Variants in MED23 observed in about 807,000 individuals in gnomAD.
MED23 encodes mediator of RNA polymerase II transcription subunit 23.
Under a neutral mutation model 163.9 loss-of-function variants are expected in MED23, and 105 were observed. The ratio of observed to expected loss-of-function variants is 0.64; its 90% CI spans 0.55 to 0.75. The LOEUF (loss-of-function observed/expected upper bound fraction) is 0.75, where lower values mean the gene tolerates loss of function less well. MED23 is among the 30% of genes least tolerant of loss of function. The pLI, the probability that MED23 is intolerant of heterozygous loss-of-function variation, is 0.00. For missense variants in MED23, 1,054 were observed against 1,649.0 expected, an observed-to-expected ratio of 0.64 and a Z score of 6.25; for synonymous variants, 561 against 565.6, an observed-to-expected ratio of 0.99 and a Z score of 0.12.
rs762528452 is a variant in MED23 at position 131,615,897 on chromosome 6, A to G, written c.876+10T>C. 6.3e-7 allele frequency: 1 copy of G among 1,597,564 alleles called. No homozygotes were observed. The highest frequency in any genetic ancestry group is 8.6e-7 in the Non-Finnish European group (1 of 1,165,126). ...GCAGAATTTACTAGGTTTCCAGCAT[A>G]GTACAGTACCTGCTTATTTAAACCT... On this transcript the variant is annotated intron_variant, in intron 10 of 28. Coordinates refer to ENST00000368068, the MANE Select transcript of MED23 (RefSeq NM_004830.4).
At position 131,591,543 on chromosome 6, in the gene MED23, A is replaced by G. The variant is rs1431196095; in HGVS notation, c.3472-16T>C. ...AATATGGCTCCTTTAAAATCGGAGG[A>G]AAGCTAGTGAAAAATATCACTTATC... is the stretch of plus-strand genomic sequence containing the variant. On this transcript the variant is annotated splice_polypyrimidine_tract_variant and intron_variant, in intron 25 of 28. Transcript: ENST00000368068. 5.1e-6 allele frequency: 8 copies of G among 1,570,382 alleles called. No homozygotes were observed. The highest frequency in any genetic ancestry group is 7.0e-6 in the Non-Finnish European group (8 of 1,143,316).
chr6:131,593,307 T>G, intron 23 of MED23, 136 bp from the exon 24 acceptor site: 1 of 1,055,544 alleles, frequency 9.5e-7, no homozygotes, highest in Non-Finnish European at 1.4e-6. Context: ...CAAATGAGTT[T>G]GACATGATTG....
chr6:131,581,450 G>T, intron 30 of MED23: 2 of 1,452,844 alleles, frequency 1.4e-6, no homozygotes, highest in Non-Finnish European at 1.9e-6. Context: ...GAAGGGAAAT[G>T]AGAAACTCCA....
Position 131,594,114 on chromosome 6 carries a change from C to T in MED23, c.3217G>A (p.Gly1073Ser). ...AAAAGGATATTATCGACTAGTCTGCCAATCAATCTGCAATAGTAGGTGTCA... is the reference window on the plus strand; with the variant it reads ...AAAAGGATATTATCGACTAGTCTGCTAATCAATCTGCAATAGTAGGTGTCA... ...PDDTYYCRLI[G>S]RLVDTMAGKS... Residue 1073 changes from glycine (G) to serine (S), a missense_variant, in exon 23 of 29, where the codon GGC becomes AGC. Coordinates refer to ENST00000368068, the MANE Select transcript of MED23 (RefSeq NM_004830.4). 1 of 1,613,450 alleles carries T rather than the reference C, an allele frequency of 6.2e-7. No homozygotes were observed. The highest frequency in any genetic ancestry group is 8.5e-7 in the Non-Finnish European group (1 of 1,179,498).
At position 131,579,141 on chromosome 6, in the gene MED23, C is replaced by A. The variant is rs1242421631; in HGVS notation, c.4096-4846G>T. The A allele has an allele frequency of 1.9e-6, 3 of 1,614,042 alleles. No homozygotes were observed. In the South Asian group the frequency reaches 3.3e-5, roughly 18 times the overall value. On this transcript the variant is annotated intron_variant, in intron 30 of 30. Coordinates refer to the MED23 transcript ENST00000354577. ...GATGTGAAGGATTATGGGGACCTGC[C>A]CTTTGCTGACATCCCTAATGACAGT...
intron 3 of MED23, among the ~76,000 whole-genome samples, chr6:131,626,359 G>T (rs1353259190): frequency 1.3e-5 from 2 of 151,812 alleles, no homozygotes; most frequent in African/African-American, 4.8e-5. Flanking sequence ...GACAGTAGAA[G>T]ATTGGTTAAA....
intron 30 of MED23, chr6:131,574,446 T>C (rs1188651589): frequency 1.3e-5 from 11 of 839,666 alleles, no homozygotes; most frequent in Non-Finnish European, 2.0e-5. Context: ...CCTTTTAAAA[T>C]CCACACTGTT....
At chr6:131,619,692 A>ATAT in intron 8 of MED23, 135 bp downstream of exon 8, 3 of 680,876 alleles carry the variant, frequency 4.4e-6, no homozygotes, top group Non-Finnish European at 7.9e-6. Flanking sequence ...GAAAGGCATT[A>ATAT]TATTAAGCTC....
intron 6 of MED23, among the ~76,000 whole-genome samples, chr6:131,621,146 G>A (rs1384899204): frequency 2.0e-5 from 3 of 152,088 alleles, no homozygotes; most frequent in Non-Finnish European, 4.4e-5. Flanking sequence ...CAACAAAAAA[G>A]ACATTAAAAA....
chr6:131,585,151 A>G (rs955489655), downstream of MED23, among the ~76,000 whole-genome samples: 18 of 152,170 alleles, frequency 1.2e-4, no homozygotes, highest in African/African-American at 4.3e-4. Context: ...CACTTACTGC[A>G]ATTACAGTAT....
intron 18 of MED23, among the ~76,000 whole-genome samples, chr6:131,599,749 T>TC (rs1413155961): frequency 6.6e-6 from 1 of 151,976 alleles, no homozygotes; most frequent in Admixed American, 6.6e-5. Flanking sequence ...ATGACTTTTT[T>TC]TTTTTTTTCT....
In MED23 at chr6:131,598,808, G is replaced by A. The variant is rs377055806; in HGVS notation, c.2221-47C>T. On this transcript the variant is annotated intron_variant, in intron 18 of 28. Transcript: ENST00000368068. The surrounding 1 kb of genome is among the most constrained non-coding windows in gnomAD (Gnocchi z 4.7). The stretch of plus-strand genomic sequence containing the variant: ...TATTTCATTGGTTATAGTAGAAAGA[G>A]CACTGGATATGGAGTTAATAAACCA... 1.9e-6 allele frequency: 3 copies of A among 1,551,922 alleles called. No individual in the cohort carries two copies. In the Admixed American group the frequency reaches 5.0e-5, roughly 26 times the overall value.
rs766871716 is a variant in MED23, at chr6:131,598,327, T to G, written c.2567A>C (p.Lys856Thr). 3 of 1,614,004 alleles carry G rather than the reference T, an allele frequency of 1.9e-6. No individual in the cohort carries two copies. ...TCTGTCCAGTGTAACAATGTTATACTTCCATACCATGTCATTAAGAATTTC... is the reference window on the plus strand; with the variant it reads ...TCTGTCCAGTGTAACAATGTTATACGTCCATACCATGTCATTAAGAATTTC... ...CIEILNDMVW[K>T]YNIVTLDRLI... Residue 856 changes from lysine to threonine, a missense_variant, in exon 20 of 29, where the codon AAG (lysine) becomes ACG (threonine). Lys to Thr is a moderately conservative substitution (Grantham distance 78). This residue lies in a region of MED23 where 228 missense variants were observed against 461.3 expected (regional missense o/e 0.49). Coordinates refer to ENST00000368068, the MANE Select transcript of MED23 (RefSeq NM_004830.4). This position sits in a 1 kb window ranked among gnomAD's most constrained non-coding sequence, Gnocchi z 4.7.
intron 21 of MED23, 110 bp from the exon 22 acceptor site, chr6:131,596,273 A>C: frequency 4.8e-6 from 5 of 1,047,782 alleles, no homozygotes; most frequent in Non-Finnish European, 7.2e-6. Flanking sequence ...GAAACATTTA[A>C]AATTATACTT....
intron 10 of MED23, among the ~76,000 whole-genome samples, chr6:131,613,910 A>C (rs747890042): frequency 2.6e-5 from 4 of 152,178 alleles, no homozygotes; most frequent in Admixed American, 6.5e-5. Flanking sequence ...TAGGATAGCT[A>C]AGGATATCTG....
rs183452242 is a variant in MED23, at chr6:131,609,921, A to C, written c.1077+125T>G. On this transcript the variant is annotated intron_variant, in intron 11 of 28. Transcript: ENST00000368068. Reference sequence around the variant, plus strand: ...AAAGTTAAGAAACTATAAAAGCACTAAACAGGACAGAAATTAGGGCTCAGA... The same window carrying C: ...AAAGTTAAGAAACTATAAAAGCACTCAACAGGACAGAAATTAGGGCTCAGA... The C allele has an allele frequency of 2.2e-6, 2 of 895,730 alleles. 1 individual carries two copies. The highest frequency in any genetic ancestry group is 5.2e-5 in the East Asian group (2 of 38,696). The allele number at this position is 895,730 out of a possible 1,614,324, so 55.5% of individuals were successfully genotyped here. A position where few individuals can be genotyped will look rare whatever the true frequency, so the allele number is the denominator to read the frequency against.
intron 28 of MED23, among the ~76,000 whole-genome samples, chr6:131,589,073 G>A (rs1035971214): frequency 2.6e-5 from 4 of 151,982 alleles, no homozygotes; most frequent in Admixed American, 1.3e-4. Context: ...TAGTTATGCC[G>A]CGGTTTGTCT....
At chr6:131,599,774 G>C (rs1475580034) in intron 18 of MED23, among the ~76,000 whole-genome samples, 1 of 151,174 alleles carries the variant, frequency 6.6e-6, no homozygotes, top group African/African-American at 2.4e-5. Context: ...ACAGGGTCTG[G>C]CTCTGTCACC....
chr6:131,599,638 C>T (rs1775319273), intron 18 of MED23, among the ~76,000 whole-genome samples: 1 of 152,178 alleles, frequency 6.6e-6, no homozygotes, highest in Non-Finnish European at 1.5e-5. Context: ...TCTTCCTCCC[C>T]TTAAAACTGT....
Sources: allele counts gnomAD v4.1 joint callset (sites outside exome capture counted in the v4.1 genomes callset), GRCh38; gene constraint gnomAD v4.1.1; regional missense constraint gnomAD v4.1.1; non-coding constraint Gnocchi (gnomAD v3.1); transcripts MANE v1.5; gene names NCBI Gene and HGNC (gene_info 2026-07-23, HGNC 2026-07-21).